The following NTRK2 variants were observed in gnomAD, a reference collection of about 807,000 sequenced individuals.
NTRK2 encodes neurotrophic receptor tyrosine kinase 2.
Under a neutral mutation model 94.5 loss-of-function variants are expected in NTRK2, and 13 were observed. The observed-to-expected ratio is 0.14, with a 90% confidence interval of 0.09 to 0.22. The LOEUF (loss-of-function observed/expected upper bound fraction) is 0.22. Ranked by LOEUF, NTRK2 falls within the 10% of genes least tolerant of loss-of-function variation. The probability of loss-of-function intolerance (pLI) is 1.00; values close to 1 mark genes in which losing one functional copy is unlikely to be tolerated. For synonymous variants in NTRK2, 372 were observed against 407.4 expected, an observed-to-expected ratio of 0.91 and a Z score of 1.05; for missense variants, 639 against 1,071.2, an observed-to-expected ratio of 0.60 and a Z score of 5.63.
chr9:84,762,574 T>G lies in NTRK2; in HGVS notation c.1396+10489T>G, dbSNP rs146685410. 2.9e-3 allele frequency among the ~76,000 whole-genome samples: 446 copies of G among 152,358 alleles called. 5 individuals are homozygous for G. The highest frequency in any genetic ancestry group is 0.01 in the African/African-American group (432 of 41,586). ...ATCGTTTATCCCTCACATTATATCTTCGTTTTCCTGTGATGTCATGGCAGA... is the reference window on the plus strand; with the variant it reads ...ATCGTTTATCCCTCACATTATATCTGCGTTTTCCTGTGATGTCATGGCAGA... On this transcript the variant is annotated intron_variant, in intron 12 of 18. Transcript: ENST00000277120.
intron 4 of NTRK2, among the ~76,000 whole-genome samples, chr9:84,706,527 G>GTTTTTTTTTTTTTTTTTTTT (rs71369141): frequency 2.4e-5 from 2 of 81,678 alleles, no homozygotes; most frequent in South Asian, 5.3e-4. Flanking sequence ...TTTTGTTTTT[G>GTTTTTTTTTTTTTTTTTTTT]TTTTTTTTTT....
At position 84,670,673 on chromosome 9, in the gene NTRK2, G is replaced by A; in HGVS notation, c.-76G>A. 6.9e-7 allele frequency: 1 copy of A among 1,441,670 alleles called. No homozygotes were observed. The highest frequency in any genetic ancestry group is 9.7e-7 in the Non-Finnish European group (1 of 1,033,844). 89.3% of individuals were successfully genotyped at this position (1,441,670 alleles called of 1,614,324 possible). A position where few individuals can be genotyped will look rare whatever the true frequency, so the allele number is the denominator to read the frequency against. On this transcript the variant is annotated 5_prime_UTR_variant, in exon 2 of 19. Coordinates refer to ENST00000277120, the MANE Select transcript of NTRK2 (RefSeq NM_006180.6). Reference sequence around the variant, plus strand: ...TAAGAGAGCCGCAAGCGCAGGGAAGGCCTCCCCGCACGGGTGGGGGAAAGC... The same window carrying A: ...TAAGAGAGCCGCAAGCGCAGGGAAGACCTCCCCGCACGGGTGGGGGAAAGC...
intron 12 of NTRK2, among the ~76,000 whole-genome samples, chr9:84,836,274 G>A (rs2073868360): frequency 1.3e-5 from 2 of 152,274 alleles, no homozygotes; most frequent in Non-Finnish European, 2.9e-5. Context: ...GAAGAGGGCA[G>A]CTCTTCCTAT....
intron 18 of NTRK2, 115 bp from the exon 19 acceptor site, chr9:85,021,137 C>A (rs997714479): frequency 8.0e-6 from 7 of 874,968 alleles, no homozygotes; most frequent in African/African-American, 1.7e-5. Context: ...GAAAACAAAA[C>A]CAAGAGTGGG....
At chr9:85,008,595 A>G (rs1004341741) in intron 17 of NTRK2, among the ~76,000 whole-genome samples, 1 of 152,194 alleles carries the variant, frequency 6.6e-6, no homozygotes, top group Non-Finnish European at 1.5e-5. Flanking sequence ...GTAAGACGTA[A>G]TAAGTATCAT....
intron 12 of NTRK2, chr9:84,814,282 A>G (rs2072128335): frequency 2.8e-6 from 3 of 1,065,264 alleles, no homozygotes; most frequent in Admixed American, 5.3e-5. Flanking sequence ...CCTCAGACAG[A>G]GCAGAGGCGA....
intron 17 of NTRK2, among the ~76,000 whole-genome samples, chr9:85,008,854 C>T (rs1210331143): frequency 3.3e-5 from 5 of 152,226 alleles, no homozygotes; most frequent in Admixed American, 3.3e-4. Context: ...CTAACGCTAT[C>T]GCCTGAATGT....
At chr9:84,802,237 T>C (rs1225777990) in intron 12 of NTRK2, among the ~76,000 whole-genome samples, 1 of 152,232 alleles carries the variant, frequency 6.6e-6, no homozygotes, top group East Asian at 1.9e-4. Context: ...CTAACCAAGC[T>C]GTTATATTTG....
At chr9:84,869,736 C>G (rs539501294) in intron 14 of NTRK2, among the ~76,000 whole-genome samples, 1 of 151,968 alleles carries the variant, frequency 6.6e-6, no homozygotes, top group Non-Finnish European at 1.5e-5. Flanking sequence ...CCTTTGATGT[C>G]GGCCACATGT....
chr9:84,871,843 T>A, intron 14 of NTRK2: 1 of 1,613,592 alleles, frequency 6.2e-7, no homozygotes, highest in Non-Finnish European at 8.5e-7. Context: ...TGGAGGCTCC[T>A]GTGTCACTGC....
intron 12 of NTRK2, among the ~76,000 whole-genome samples, chr9:84,767,488 C>T (rs1298050282): frequency 6.6e-6 from 1 of 152,174 alleles, no homozygotes; most frequent in Non-Finnish European, 1.5e-5. Flanking sequence ...ATTAATAGTA[C>T]TTTGCCGTCT....
At chr9:84,920,787 A>C (rs1212052354) in intron 14 of NTRK2, among the ~76,000 whole-genome samples, 1 of 152,186 alleles carries the variant, frequency 6.6e-6, no homozygotes, top group South Asian at 2.1e-4. Flanking sequence ...GATTTCTTCA[A>C]TACCTTTCTA....
chr9:84,983,465 T>TTTATA (rs1827901979), intron 17 of NTRK2, among the ~76,000 whole-genome samples: 1 of 152,228 alleles, frequency 6.6e-6, no homozygotes, highest in Non-Finnish European at 1.5e-5. Context: ...TAAACAACTG[T>TTTATA]CTTTGAACCC....
intron 15 of NTRK2, among the ~76,000 whole-genome samples, chr9:84,942,648 A>T (rs1415878231): frequency 6.6e-6 from 1 of 152,088 alleles, no homozygotes; most frequent in Non-Finnish European, 1.5e-5. Flanking sequence ...TATGAAACTT[A>T]TTTTATCGAT....
chr9:85,008,720 T>C (rs1299202180), intron 17 of NTRK2, among the ~76,000 whole-genome samples: 1 of 152,202 alleles, frequency 6.6e-6, no homozygotes, highest in Non-Finnish European at 1.5e-5. Context: ...TGTAGTTCAG[T>C]GTATCATACA....
chr9:84,832,070 T>G (rs951193216), intron 12 of NTRK2, among the ~76,000 whole-genome samples: 4 of 152,182 alleles, frequency 2.6e-5, no homozygotes, highest in African/African-American at 9.7e-5. Flanking sequence ...GGTGTTAGGG[T>G]TTTCTTTCCA....
chr9:84,698,874 A>G (rs2060548480), intron 2 of NTRK2, among the ~76,000 whole-genome samples: 1 of 151,906 alleles, frequency 6.6e-6, no homozygotes, highest in Non-Finnish European at 1.5e-5. Context: ...TTCTTTTCTA[A>G]CCCTATGATT....
intron 13 of NTRK2, among the ~76,000 whole-genome samples, chr9:84,861,485 A>G (rs955899059): frequency 3.3e-5 from 5 of 152,240 alleles, no homozygotes; most frequent in Non-Finnish European, 5.9e-5. Flanking sequence ...CCAAGATGTA[A>G]TAGAGTTCTG....
At chr9:84,985,224 G>T (rs1828149057) in intron 17 of NTRK2, among the ~76,000 whole-genome samples, 1 of 152,188 alleles carries the variant, frequency 6.6e-6, no homozygotes, top group Admixed American at 6.5e-5. Context: ...TTCTATGAGT[G>T]ATTCAAAATG....
Sources: allele counts gnomAD v4.1 joint callset (sites outside exome capture counted in the v4.1 genomes callset), GRCh38; gene constraint gnomAD v4.1.1; transcripts MANE v1.5; gene names NCBI Gene and HGNC (gene_info 2026-07-23, HGNC 2026-07-21).